Variants in RBM19 observed in about 807,000 individuals in gnomAD.
RBM19 encodes the protein probable RNA-binding protein 19.
In RBM19, 94 loss-of-function variants were observed where a neutral mutation model predicts 116.8. The ratio of observed to expected loss-of-function variants is 0.80; its 90% confidence interval spans 0.68 to 0.95. RBM19 has a LOEUF of 0.95. Among genes scored for constraint, RBM19 ranks in the 40% least tolerant of loss-of-function variants. The pLI is 0.00. For missense variants in RBM19, 1,161 were observed against 1,220.7 expected, an observed-to-expected ratio of 0.95 and a Z score of 0.73; for synonymous variants, 475 against 494.1, an observed-to-expected ratio of 0.96 and a Z score of 0.51.
Position 113,927,593 on chromosome 12 carries a change from A to AAAC in RBM19, c.2069-365_2069-364insGTT, listed in dbSNP as rs540080921. On this transcript the variant is annotated intron_variant, in intron 16 of 23. Transcript: ENST00000261741. ...AAACGTTATTTTTCCTCAAAAAACA[A>AAAC]AAAAAAAAAAACAAAAAAAAAAAAA... Among the ~76,000 whole-genome samples the AAAC allele has an allele frequency of 2.3e-4, 21 of 92,478 alleles. No individual in the cohort carries two copies. In the East Asian group the frequency reaches 2.5e-3, roughly 11 times the overall value. 60.7% of individuals were successfully genotyped at this position (92,478 alleles called of 152,430 possible). A position where few individuals can be genotyped will look rare whatever the true frequency, so the allele number is the denominator to read the frequency against.
At chr12:113,817,697 C>T (rs1874139570), downstream of RBM19, 1 of 152,270 alleles carries the variant, frequency 6.6e-6, no homozygotes, top group South Asian at 2.1e-4. Context: ...TGTGGAATGA[C>T]CTAGAGGTGC....
intron 22 of RBM19, among the ~76,000 whole-genome samples, chr12:113,854,095 T>G (rs1877688190): frequency 6.6e-6 from 1 of 151,980 alleles, no homozygotes; most frequent in African/African-American, 2.4e-5. Context: ...GGAATTAGAT[T>G]TTTCCCAGCT....
intron 21 of RBM19, among the ~76,000 whole-genome samples, chr12:113,907,708 C>G (rs933957839): frequency 4.6e-5 from 7 of 152,200 alleles, no homozygotes; most frequent in Admixed American, 4.6e-4. Context: ...CGTTTTCTGA[C>G]TTCAGGTTCC....
Position 113,922,248 on chromosome 12 carries a change from C to T in RBM19, c.2306-1558G>A, listed in dbSNP as rs373274403. The stretch of plus-strand genomic sequence containing the variant: ...TGTGGGCTCCCTTAGCCCAGCCACA[C>T]GTCGGCCCCTTCCTTACAGACATCT... On this transcript the variant is annotated intron_variant, in intron 18 of 23. Coordinates refer to ENST00000261741, the MANE Select transcript of RBM19 (RefSeq NM_016196.4). Among the ~76,000 whole-genome samples, 11 of 152,284 alleles carry T rather than the reference C, an allele frequency of 7.2e-5. No individual in the cohort carries two copies. In the East Asian group the frequency reaches 7.7e-4, roughly 11 times the overall value.
intron 15 of RBM19, among the ~76,000 whole-genome samples, chr12:113,939,231 CAGAGTTCAAGGCTGCAGCGAACCA>C (rs1249337526): frequency 1.3e-5 from 2 of 151,542 alleles, no homozygotes. Flanking sequence ...GCTTGAGCCC[CAGAGTTCAAGGCTGCAGCGAACCA>C]AGATGGCGCC....
chr12:113,882,761 G>C (rs1299726260), intron 21 of RBM19, among the ~76,000 whole-genome samples: 1 of 152,208 alleles, frequency 6.6e-6, no homozygotes, highest in Non-Finnish European at 1.5e-5. Context: ...CTACATAAAA[G>C]CATGTGCTTA....
chr12:113,949,083 C>A (rs1871279663), intron 9 of RBM19, 47 bp from the exon 10 acceptor site: 11 of 1,522,036 alleles, frequency 7.2e-6, no homozygotes, highest in Non-Finnish European at 9.0e-6. Context: ...CTAGAACTTG[C>A]CAGCAACTCC....
At chr12:113,908,860 C>T (rs1395954680) in intron 21 of RBM19, among the ~76,000 whole-genome samples, 1 of 152,236 alleles carries the variant, frequency 6.6e-6, no homozygotes, top group Non-Finnish European at 1.5e-5. Flanking sequence ...AGTGGGTATG[C>T]ACTCCACAAA....
At chr12:113,871,604 T>C (rs2135766581) in intron 21 of RBM19, among the ~76,000 whole-genome samples, 1 of 152,338 alleles carries the variant, frequency 6.6e-6, no homozygotes, top group Admixed American at 6.5e-5. Flanking sequence ...GACGGGGACG[T>C]AGGCTTTAGT....
intron 21 of RBM19, among the ~76,000 whole-genome samples, chr12:113,863,858 T>C (rs1193540840): frequency 6.6e-6 from 1 of 152,202 alleles, no homozygotes; most frequent in African/African-American, 2.4e-5. Context: ...AAAAAGCCTT[T>C]CAAATATGCC....
chr12:113,917,871 A>C (rs144798343), intron 20 of RBM19, among the ~76,000 whole-genome samples: 14 of 152,270 alleles, frequency 9.2e-5, no homozygotes, highest in African/African-American at 2.4e-4. Flanking sequence ...CAATCCCCCT[A>C]CTTCAGTATA....
At position 113,927,605 on chromosome 12, in the gene RBM19, C is replaced by CAA. The variant is rs1270842296; in HGVS notation, c.2069-378_2069-377dup. On this transcript the variant is annotated intron_variant, in intron 16 of 23. Transcript: ENST00000261741. ...TCCTCAAAAAACAAAAAAAAAAAAA[C>CAA]AAAAAAAAAAAAACCAGCACTTAGT... 2.6e-3 allele frequency among the ~76,000 whole-genome samples: 240 copies of CAA among 91,136 alleles called. 1 individual carries two copies. The highest frequency in any genetic ancestry group is 7.7e-3 in the African/African-American group (231 of 30,088). The allele number at this position is 91,136 out of a possible 152,430, so 59.8% of individuals were successfully genotyped here. A position where few individuals can be genotyped will look rare whatever the true frequency, so the allele number is the denominator to read the frequency against.
At chr12:113,831,019 C>T (rs763321909) in intron 23 of RBM19, among the ~76,000 whole-genome samples, 8 of 152,134 alleles carry the variant, frequency 5.3e-5, no homozygotes, top group East Asian at 1.9e-4. Context: ...ATGCATTGTG[C>T]GTAAGGGGAA....
chr12:113,834,376 G>A (rs1323703155), intron 23 of RBM19, among the ~76,000 whole-genome samples: 2 of 152,180 alleles, frequency 1.3e-5, no homozygotes, highest in Admixed American at 1.3e-4. Context: ...AGAGTTATAT[G>A]CTCTGAGAAA....
At chr12:113,841,422 C>CTTTTTT (rs71089416) in intron 23 of RBM19, among the ~76,000 whole-genome samples, 80 of 129,972 alleles carry the variant, frequency 6.2e-4, no homozygotes, top group Non-Finnish European at 8.2e-4. Context: ...TTTTTCTTTT[C>CTTTTTT]TTTTTTTTTT....
At chr12:113,948,774 G>C (rs1593637234) in intron 10 of RBM19, 59 bp downstream of exon 10, 9 of 1,563,444 alleles carry the variant, frequency 5.8e-6, no homozygotes, top group Non-Finnish European at 7.9e-6. Context: ...GGACGTCAGA[G>C]TGAGAGCCCG....
intron 21 of RBM19, among the ~76,000 whole-genome samples, chr12:113,860,813 C>T (rs1565981126): frequency 6.6e-6 from 1 of 152,198 alleles, no homozygotes; most frequent in Non-Finnish European, 1.5e-5. Flanking sequence ...CCGCAAGAGT[C>T]CAGGCCCCAT....
At chr12:113,886,294 G>C (rs956389369) in intron 21 of RBM19, among the ~76,000 whole-genome samples, 1 of 151,998 alleles carries the variant, frequency 6.6e-6, no homozygotes, top group Non-Finnish European at 1.5e-5. Context: ...CACCATGCCC[G>C]GCTAATTTTT....
intron 21 of RBM19, among the ~76,000 whole-genome samples, chr12:113,875,078 G>A (rs908201267): frequency 6.6e-6 from 1 of 152,262 alleles, no homozygotes; most frequent in Admixed American, 6.5e-5. Context: ...GAAGATGCAA[G>A]CGGCGAAGCC....
Sources: gnomAD v4.1 joint callset for allele counts (sites outside exome capture counted in the v4.1 genomes callset) on GRCh38, gnomAD v4.1.1 for gene constraint, MANE v1.5 for transcripts, NCBI Gene and HGNC (gene_info 2026-07-23, HGNC 2026-07-21) for gene names.